Variants in PPIG observed in about 807,000 individuals in gnomAD.
The protein encoded by PPIG is peptidyl-prolyl cis-trans isomerase G.
A neutral mutation model predicts 87.9 loss-of-function variants in PPIG; 26 were observed. That is an observed-to-expected ratio of 0.30 (90% CI 0.22 to 0.41). The LOEUF is 0.41. PPIG is among the 10% of genes least tolerant of loss of function. PPIG has a pLI of 1.00. For synonymous variants in PPIG, 308 were observed against 276.5 expected, an observed-to-expected ratio of 1.11 and a Z score of -1.13; for missense variants, 722 against 879.4, an observed-to-expected ratio of 0.82 and a Z score of 2.26.
chr2:169,588,635 T>C (rs908345368), intron 1 of PPIG, among the ~76,000 whole-genome samples: 1 of 152,164 alleles, frequency 6.6e-6, no homozygotes, highest in Non-Finnish European at 1.5e-5. Flanking sequence ...TTTTTCTTTT[T>C]TGTTTTTGGT....
rs866500678 is a variant in PPIG, at chr2:169,617,172, A to T, written c.547+2448A>T. ...TTTGTCAAAGATCAGATGGTTGTAG[A>T]TGTGTGGCGTTATTTCTGAGGCCTC... On this transcript the variant is annotated intron_variant, in intron 9 of 13. Transcript: ENST00000260970. Among the ~76,000 whole-genome samples, 5 of 152,120 alleles carry T rather than the reference A, an allele frequency of 3.3e-5. No individual in the cohort carries two copies. The South Asian group carries it at 1.0e-3, about 32-fold the overall frequency.
At chr2:169,591,080 T>A (rs1684851222) in intron 1 of PPIG, among the ~76,000 whole-genome samples, 1 of 152,244 alleles carries the variant, frequency 6.6e-6, no homozygotes, top group Non-Finnish European at 1.5e-5. Flanking sequence ...CCTCATAATG[T>A]GTGAAACTTC....
rs777732954 is a variant in PPIG at position 169,631,802 on chromosome 2, A to G, written c.798A>G (p.Ala266=). Reference sequence around the variant, plus strand: ...AGAGTGAAGCTGAAAATCTTGAAGCACAACCCCAGTCTACTGTCCGTCCAG... The same window carrying G: ...AGAGTGAAGCTGAAAATCTTGAAGCGCAACCCCAGTCTACTGTCCGTCCAG... ...SSESEAENLE[A]QPQSTVRPEE... is the part of the protein sequence containing the mutation. The change falls in exon 11 of 14, where the codon GCA becomes GCG. Residue 266 remains alanine (A), a synonymous_variant. Coordinates refer to ENST00000260970, the MANE Select transcript of PPIG (RefSeq NM_004792.3). The G allele has an allele frequency of 3.7e-6, 6 of 1,613,790 alleles. No homozygotes were observed. The South Asian group carries it at 6.6e-5, about 18-fold the overall frequency.
intron 1 of PPIG, among the ~76,000 whole-genome samples, chr2:169,590,906 C>T (rs1684847345): frequency 6.6e-6 from 1 of 152,122 alleles, no homozygotes; most frequent in South Asian, 2.1e-4. Context: ...ACTCGGGAGG[C>T]TGAGGTAGGA....
intron 1 of PPIG, among the ~76,000 whole-genome samples, chr2:169,587,497 C>T (rs1442116381): frequency 6.6e-6 from 1 of 152,130 alleles, no homozygotes; most frequent in African/African-American, 2.4e-5. Context: ...ACCTTGGCCT[C>T]CCAAAGTGCT....
chr2:169,627,034 G>A (rs1437957434), intron 9 of PPIG, among the ~76,000 whole-genome samples: 2 of 152,068 alleles, frequency 1.3e-5, no homozygotes, highest in Admixed American at 1.3e-4. Context: ...TATAGTTAAT[G>A]TTTTCTGATT....
Position 169,606,668 on chromosome 2 carries a change from T to A in PPIG, c.245-436T>A, listed in dbSNP as rs1453944218. ...CACATGAATTTCAGAAATAGGCTTC[T>A]GGATACAAAACAACACTGCATTCAT... On this transcript the variant is annotated intron_variant, in intron 5 of 13. Transcript: ENST00000260970. Among the ~76,000 whole-genome samples the A allele has an allele frequency of 7.3e-5, 11 of 151,248 alleles. No homozygotes were observed. The East Asian group carries it at 2.1e-3, about 29-fold the overall frequency.
In PPIG at chr2:169,592,303, C is replaced by CTTTT. The variant is rs777690234; in HGVS notation, c.-70+7829_-70+7832dup. On this transcript the variant is annotated intron_variant, in intron 1 of 13. Transcript: ENST00000260970. ...GCATCTGGTTTCAGATGTCTTTTTTCTTTTTTTTTTTTTTTTTTTGAGATG... is the reference window on the plus strand; with the variant it reads ...GCATCTGGTTTCAGATGTCTTTTTTCTTTTTTTTTTTTTTTTTTTTTTTGAGATG... 6.7e-4 allele frequency among the ~76,000 whole-genome samples: 63 copies of CTTTT among 93,594 alleles called. 2 individuals carry two copies. Among genetic ancestry groups the CTTTT allele is most frequent in the Admixed American group, 7.9e-4 (5 of 6,298 alleles). The allele number at this position is 93,594 out of a possible 152,430, so 61.4% of individuals were successfully genotyped here.
chr2:169,624,000 T>C (rs10182142), intron 9 of PPIG, among the ~76,000 whole-genome samples: 90,729 of 152,030 alleles, frequency 0.6, 27,725 homozygotes, highest in African/African-American at 0.73. Flanking sequence ...GACTGTCTTG[T>C]TCTGTTGCCA....
chr2:169,618,617 C>A (rs564905850), intron 9 of PPIG, among the ~76,000 whole-genome samples: 13 of 152,254 alleles, frequency 8.5e-5, no homozygotes, highest in Admixed American at 5.2e-4. Context: ...TCCATTTCTT[C>A]TAGATTTTCT....
In PPIG at chr2:169,636,542, C is replaced by T; in HGVS notation, c.1284C>T (p.Asp428=). 1 of 1,608,954 alleles carries T rather than the reference C, an allele frequency of 6.2e-7. No individual in the cohort carries two copies. The change falls in exon 14 of 14, where the codon GAC becomes GAT. Residue 428 remains aspartate (D), a synonymous_variant. Transcript: ENST00000260970. ...ATGAAAAGGAGAAGAAAGTTAAAGACCATAAATCTAACAGCAAAGAGAGAG... is the reference window on the plus strand; with the variant it reads ...ATGAAAAGGAGAAGAAAGTTAAAGATCATAAATCTAACAGCAAAGAGAGAG... The part of the protein sequence containing the change: ...RKNEKEKKVK[D]HKSNSKERDI...
intron 5 of PPIG, among the ~76,000 whole-genome samples, chr2:169,606,556 C>G (rs1342006252): frequency 6.7e-5 from 9 of 133,458 alleles, no homozygotes; most frequent in Non-Finnish European, 1.4e-4. Flanking sequence ...TGTGCCACTG[C>G]ACTCCGGCCT....
intron 9 of PPIG, among the ~76,000 whole-genome samples, chr2:169,630,178 C>T (rs962113712): frequency 6.6e-6 from 1 of 151,256 alleles, no homozygotes; most frequent in African/African-American, 2.4e-5. Flanking sequence ...TTACTGCTTC[C>T]TTAACTGAAA....
chr2:169,636,246 T>C lies in PPIG; in HGVS notation c.1154+18T>C, dbSNP rs772865687. Reference sequence around the variant, plus strand: ...GGGGATAAGTAAGATTTAACTATTATTATTTCAAATGTAATGATAAGTGTT... The same window carrying C: ...GGGGATAAGTAAGATTTAACTATTACTATTTCAAATGTAATGATAAGTGTT... On this transcript the variant is annotated intron_variant, in intron 13 of 13. Coordinates refer to ENST00000260970, the MANE Select transcript of PPIG (RefSeq NM_004792.3). The C allele has an allele frequency of 1.3e-6, 2 of 1,574,686 alleles. No individual in the cohort carries two copies. The highest frequency in any genetic ancestry group is 1.7e-6 in the Non-Finnish European group (2 of 1,166,686).
chr2:169,626,382 A>G (rs1177063105), intron 9 of PPIG, among the ~76,000 whole-genome samples: 2 of 152,134 alleles, frequency 1.3e-5, no homozygotes, highest in Non-Finnish European at 2.9e-5. Flanking sequence ...AAATATCAAA[A>G]GAGAGGAACT....
Position 169,637,347 on chromosome 2 carries a change from C to G in PPIG, c.2089C>G (p.Gln697Glu). Reference sequence around the variant, plus strand: ...CTTCTCAAAAATAAAACAAAGCAGTCAGGACAATGAATTAAAGTCCTCCAT... The same window carrying G: ...CTTCTCAAAAATAAAACAAAGCAGTGAGGACAATGAATTAAAGTCCTCCAT... ...SPFSKIKQSS[Q>E]DNELKSSMLK... Residue 697 changes from glutamine to glutamate, a missense_variant, in exon 14 of 14, where the codon CAG becomes GAG. This residue lies in a region of PPIG where 476 missense variants were observed against 483.1 expected (regional missense o/e 0.99). Coordinates refer to ENST00000260970, the MANE Select transcript of PPIG (RefSeq NM_004792.3). The G allele has an allele frequency of 6.2e-7, 1 of 1,609,670 alleles. No homozygotes were observed. The highest frequency in any genetic ancestry group is 1.1e-5 in the South Asian group (1 of 89,828).
Position 169,636,931 on chromosome 2 carries a change from A to G in PPIG, c.1673A>G (p.Tyr558Cys), listed in dbSNP as rs1325146190. ...GATATAACTAAAGGTAAACACAGTT[A>G]TAATAGCAGAACAAGAGAACGAAGC... The part of the protein sequence containing the change: ...ECDITKGKHS[Y>C]NSRTRERSRS... Residue 558 changes from tyrosine (Y) to cysteine (C), a missense_variant, in exon 14 of 14, where the codon TAT (tyrosine) becomes TGT (cysteine). By Grantham distance (194) the Tyr-to-Cys change is radical. This residue lies in a region of PPIG where 476 missense variants were observed against 483.1 expected (regional missense o/e 0.99). Transcript: ENST00000260970. 1.2e-6 allele frequency: 2 copies of G among 1,614,022 alleles called. No homozygotes were observed. Among genetic ancestry groups the G allele is most frequent in the Non-Finnish European group, 1.7e-6 (2 of 1,179,964 alleles).
intron 9 of PPIG, among the ~76,000 whole-genome samples, chr2:169,617,005 A>G (rs1043566719): frequency 3.9e-5 from 6 of 152,026 alleles, no homozygotes; most frequent in Non-Finnish European, 8.8e-5. Flanking sequence ...TCTTTAATCT[A>G]TCTCTTGAGT....
At chr2:169,599,803 A>G (rs962985205) in intron 1 of PPIG, among the ~76,000 whole-genome samples, 11 of 152,206 alleles carry the variant, frequency 7.2e-5, no homozygotes, top group African/African-American at 2.4e-4. Flanking sequence ...TACTCAATGA[A>G]TTGCCCTAGT....
Sources: allele counts gnomAD v4.1 joint callset (sites outside exome capture counted in the v4.1 genomes callset), GRCh38; gene constraint gnomAD v4.1.1; regional missense constraint gnomAD v4.1.1; transcripts MANE v1.5; gene names NCBI Gene and HGNC (gene_info 2026-07-23, HGNC 2026-07-21).